Variants in UGGT2 observed in about 807,000 individuals in gnomAD.
UGGT2 encodes UDP-glucose glycoprotein glucosyltransferase 2.
In UGGT2, 180 loss-of-function variants were observed where a neutral mutation model predicts 192.1. The observed-to-expected ratio is 0.94, with a 90% CI of 0.83 to 1.06. The LOEUF (loss-of-function observed/expected upper bound fraction) is 1.06, where lower values mean the gene tolerates loss of function less well. Among genes scored for constraint, UGGT2 ranks in the 50% least tolerant of loss-of-function variants. The pLI, the probability that UGGT2 is intolerant of heterozygous loss-of-function variation, is 0.00. For missense variants in UGGT2, 1,849 were observed against 1,795.7 expected, an observed-to-expected ratio of 1.03 and a Z score of -0.54; for synonymous variants, 580 against 591.0, an observed-to-expected ratio of 0.98 and a Z score of 0.27.
chr13:95,921,328 C>T (rs748365531), intron 20 of UGGT2, among the ~76,000 whole-genome samples: 32 of 143,170 alleles, frequency 2.2e-4, no homozygotes, highest in Admixed American at 1.2e-3. Flanking sequence ...CCTGCATATC[C>T]TACACATAAC....
chr13:96,012,484 G>A (rs550226915), intron 5 of UGGT2, among the ~76,000 whole-genome samples: 7 of 151,898 alleles, frequency 4.6e-5, no homozygotes, highest in African/African-American at 9.6e-5. Context: ...AAGATACTGC[G>A]AAGTATGGAA....
At chr13:95,985,255 T>G (rs777154034) in intron 9 of UGGT2, 2 of 1,262,266 alleles carry the variant, frequency 1.6e-6, no homozygotes, top group Admixed American at 2.1e-5. Flanking sequence ...ATATTTCATG[T>G]TTTATTATAT....
intron 38 of UGGT2, among the ~76,000 whole-genome samples, chr13:95,829,275 T>C (rs1481250693): frequency 6.6e-5 from 10 of 152,108 alleles, no homozygotes; most frequent in Admixed American, 5.2e-4. Context: ...AGGGATGCCC[T>C]CTCTCGCCAC....
intron 12 of UGGT2, 114 bp downstream of exon 12, chr13:95,969,998 C>G (rs1023222038): frequency 8.9e-7 from 1 of 1,117,532 alleles, no homozygotes; most frequent in Admixed American, 2.4e-5. Flanking sequence ...TCTCTTTTCA[C>G]TGAGAACTGT....
Position 96,053,398 on chromosome 13 carries a change from G to T in UGGT2, c.-86C>A, listed in dbSNP as rs939867006. 34 of 1,503,106 alleles carry T rather than the reference G, an allele frequency of 2.3e-5. No homozygotes were observed. The highest frequency in any genetic ancestry group is 2.0e-4 in the Middle Eastern group (1 of 4,952). 93.1% of individuals were successfully genotyped at this position (1,503,106 alleles called of 1,614,324 possible). On this transcript the variant is annotated 5_prime_UTR_variant, in exon 1 of 39. Coordinates refer to ENST00000376747, the MANE Select transcript of UGGT2 (RefSeq NM_020121.4). ...CTTCGGCCGGCTCTTCCCGCTGCGC[G>T]GCTGCCCACTTCCGGTGGGAGGAGC...
intron 20 of UGGT2, among the ~76,000 whole-genome samples, chr13:95,908,769 C>A (rs1341379815): frequency 1.5e-5 from 2 of 132,806 alleles, no homozygotes; most frequent in Admixed American, 8.0e-5. Context: ...CTGTTCATGT[C>A]CTTTGCCCAC....
chr13:95,854,412 T>C lies in UGGT2; in HGVS notation c.4072A>G (p.Thr1358Ala), dbSNP rs1377938474. 5.6e-6 allele frequency: 9 copies of C among 1,613,578 alleles called. No homozygotes were observed. In the African/African-American group the frequency reaches 8.0e-5, roughly 14 times the overall value. ...FDLDGAPYGY[T>A]PFCDSRREMD... Reference sequence around the variant, plus strand: ...TCCCTGCGGCTATCACAAAATGGAGTATACCCATAAGGAGCTCCATCCAGA... The same window carrying C: ...TCCCTGCGGCTATCACAAAATGGAGCATACCCATAAGGAGCTCCATCCAGA... The change falls in exon 35 of 39, where the codon ACT (threonine) becomes GCT (alanine). Residue 1358 changes from threonine to alanine, a missense_variant. Transcript: ENST00000376747.
intron 10 of UGGT2, among the ~76,000 whole-genome samples, chr13:95,978,980 T>G (rs2051029292): frequency 6.6e-6 from 1 of 152,218 alleles, no homozygotes; most frequent in African/African-American, 2.4e-5. Context: ...TTTGAATATC[T>G]GCATTTTAGT....
intron 10 of UGGT2, among the ~76,000 whole-genome samples, chr13:95,976,786 C>T (rs2050951589): frequency 6.6e-6 from 1 of 152,122 alleles, no homozygotes; most frequent in African/African-American, 2.4e-5. Flanking sequence ...AGGCATCACG[C>T]TGACTTCAAA....
chr13:95,858,903 C>T (rs971259119), intron 33 of UGGT2, among the ~76,000 whole-genome samples: 1 of 152,130 alleles, frequency 6.6e-6, no homozygotes, highest in African/African-American at 2.4e-5. Context: ...GCATGCTTGG[C>T]TAGTTTTACT....
At chr13:95,860,712 T>C in intron 32 of UGGT2, 76 bp downstream of exon 32, 1 of 974,284 alleles carries the variant, frequency 1.0e-6, no homozygotes, top group Non-Finnish European at 1.4e-6. Flanking sequence ...CCAGTGTATA[T>C]TCCTTTATTT....
intron 20 of UGGT2, 34 bp downstream of exon 20, chr13:95,925,641 ATAAAT>A: frequency 7.6e-7 from 1 of 1,323,704 alleles, no homozygotes; most frequent in Non-Finnish European, 1.0e-6. Context: ...TTAAATTGAA[ATAAAT>A]TAAAATTGTT....
chr13:95,828,216 C>T, intron 38 of UGGT2, among the ~76,000 whole-genome samples: 1 of 152,002 alleles, frequency 6.6e-6, no homozygotes, highest in East Asian at 1.9e-4. Flanking sequence ...CAAGAGAAAG[C>T]AGGAAAGATC....
intron 28 of UGGT2, 92 bp downstream of exon 28, chr13:95,877,606 C>T (rs1267024235): frequency 7.1e-7 from 1 of 1,406,794 alleles, no homozygotes; most frequent in African/African-American, 1.4e-5. Context: ...TGTTCAGCAA[C>T]AGCAGAATAA....
Position 95,859,807 on chromosome 13 carries a change from T to C in UGGT2, c.3741-132A>G. On this transcript the variant is annotated intron_variant, in intron 32 of 38. Transcript: ENST00000376747. The stretch of plus-strand genomic sequence containing the variant: ...TTTACTTTAAGTTCTGGGATACATG[T>C]GCAGAACATACAGGTTTGTTACATA... The C allele has an allele frequency of 4.9e-6, 3 of 606,334 alleles. No homozygotes were observed. In the South Asian group the frequency reaches 8.7e-5, roughly 18 times the overall value. 37.6% of individuals were successfully genotyped at this position (606,334 alleles called of 1,614,324 possible). A position where few individuals can be genotyped will look rare whatever the true frequency, so the allele number is the denominator to read the frequency against.
chr13:95,994,959 T>C (rs112969837), intron 7 of UGGT2, among the ~76,000 whole-genome samples: 54 of 152,124 alleles, frequency 3.5e-4, no homozygotes, highest in South Asian at 1.2e-3. Flanking sequence ...TTACCAACCA[T>C]AGGTATCGAA....
At chr13:95,980,728 G>C (rs1434452532) in intron 10 of UGGT2, among the ~76,000 whole-genome samples, 1 of 152,220 alleles carries the variant, frequency 6.6e-6, no homozygotes, top group Non-Finnish European at 1.5e-5. Flanking sequence ...TTCAGAGCTG[G>C]ATGTCGCTTT....
chr13:95,857,688 A>G (rs1889750271), intron 33 of UGGT2, among the ~76,000 whole-genome samples: 1 of 152,286 alleles, frequency 6.6e-6, no homozygotes, highest in South Asian at 2.1e-4. Context: ...AGTATATGTT[A>G]TATTTCACTA....
intron 6 of UGGT2, 44 bp from the exon 7 acceptor site, chr13:95,996,179 A>G (rs2051613299): frequency 6.5e-7 from 1 of 1,537,120 alleles, no homozygotes; most frequent in East Asian, 2.3e-5. Flanking sequence ...AAATATTTTC[A>G]GACTGGGAAA....
Sources: gnomAD v4.1 joint callset for allele counts (sites outside exome capture counted in the v4.1 genomes callset) on GRCh38, gnomAD v4.1.1 for gene constraint, MANE v1.5 for transcripts, NCBI Gene and HGNC (gene_info 2026-07-23, HGNC 2026-07-21) for gene names.